ZNF428: variants seen among roughly 807,000 people sequenced by gnomAD.
ZNF428 encodes enzyme-like protein PIT13.
In ZNF428, 5 loss-of-function variants were observed where a neutral mutation model predicts 15.6. That is an observed-to-expected ratio of 0.32 (90% CI 0.17 to 0.67). The LOEUF is 0.67. ZNF428 is among the 30% of genes least tolerant of loss of function. ZNF428 has a pLI of 0.73. For missense variants in ZNF428, 237 were observed against 256.0 expected (o/e 0.93, Z 0.51); for synonymous variants, 97 against 102.2 (o/e 0.95, Z 0.31).
At chr19:43,611,612 G>A (rs1051056780) in intron 2 of ZNF428, among the ~76,000 whole-genome samples, 5 of 152,116 alleles carry the variant, frequency 3.3e-5, no homozygotes, top group Admixed American at 2.0e-4. Context: ...GAGCCACCGC[G>A]CCCAGCCTGA....
chr19:43,614,855 C>T (rs964558238), intron 1 of ZNF428, among the ~76,000 whole-genome samples: 10 of 152,208 alleles, frequency 6.6e-5, no homozygotes, highest in African/African-American at 2.2e-4. Context: ...GCCTCAACCT[C>T]GCAAAGTGCT....
chr19:43,609,360 G>GACAGAGAGAGAGAGAGAA, intron 2 of ZNF428, among the ~76,000 whole-genome samples: 1 of 123,346 alleles, frequency 8.1e-6, no homozygotes, highest in Non-Finnish European at 1.7e-5. Flanking sequence ...TGTGGCCATG[G>GACAGAGAGAGAGAGAGAA]AGAGAGAGAG....
chr19:43,612,711 G>A lies in ZNF428; in HGVS notation c.76+1518C>T, dbSNP rs759026088. The A allele has an allele frequency of 1.7e-5, 27 of 1,551,466 alleles. No individual in the cohort carries two copies. Among genetic ancestry groups the A allele is most frequent in the Admixed American group, 2.0e-5 (1 of 50,974 alleles). On this transcript the variant is annotated intron_variant, in intron 2 of 2. Coordinates refer to ENST00000300811, the MANE Select transcript of ZNF428 (RefSeq NM_182498.4). The surrounding 1 kb of genome is among the most constrained non-coding windows in gnomAD (Gnocchi z 4.2). ...AGAAATCTGAGCAAGAAGAGTTACC[G>A]CCCACCAGGAGGCTCAGGTATAGGG...
At position 43,611,853 on chromosome 19, in the gene ZNF428, G is replaced by C. The variant is rs73935013; in HGVS notation, c.76+2376C>G. On this transcript the variant is annotated intron_variant, in intron 2 of 2. Transcript: ENST00000300811. ...CAGGGCCTGGGTCTGCCCCATCTCTGTGTCCCCAGCAATGCTGGGCATGAG... is the reference window on the plus strand; with the variant it reads ...CAGGGCCTGGGTCTGCCCCATCTCTCTGTCCCCAGCAATGCTGGGCATGAG... Among the ~76,000 whole-genome samples the C allele has an allele frequency of 5.2e-3, 799 of 152,270 alleles. 6 individuals carry two copies. Among genetic ancestry groups the C allele is most frequent in the African/African-American group, 0.019 (770 of 41,560 alleles).
intron 1 of ZNF428, among the ~76,000 whole-genome samples, chr19:43,617,721 T>C (rs1973385632): frequency 6.6e-6 from 1 of 152,246 alleles, no homozygotes; most frequent in Non-Finnish European, 1.5e-5. Flanking sequence ...TGGGTTTTTG[T>C]TGCGGAGATG....
intron 2 of ZNF428, chr19:43,613,905 G>C: frequency 4.5e-6 from 7 of 1,551,538 alleles, no homozygotes; most frequent in Non-Finnish European, 6.1e-6. Context: ...GATCACAGCC[G>C]ATCTAGAAGC....
At chr19:43,609,664 C>G (rs995180340) in intron 2 of ZNF428, among the ~76,000 whole-genome samples, 6 of 151,822 alleles carry the variant, frequency 4.0e-5, no homozygotes, top group Admixed American at 3.9e-4. Flanking sequence ...ATTGCTCGAA[C>G]CCGGGAGGCG....
In ZNF428 at chr19:43,619,622, T is replaced by A. The variant is rs1488921394; in HGVS notation, c.-195A>T. 6.6e-6 allele frequency: 1 copy of A among 152,204 alleles called. No individual in the cohort carries two copies. Among genetic ancestry groups the A allele is most frequent in the East Asian group, 1.9e-4 (1 of 5,176 alleles). The allele number at this position is 152,204 out of a possible 1,614,324, so 9.4% of individuals were successfully genotyped here. A position where few individuals can be genotyped will look rare whatever the true frequency, so the allele number is the denominator to read the frequency against. ...TGCACGCCCAGCCTCTGCGCCTGCG[T>A]CGCAAGTAGGGTAGGACAGCGCGCA... On this transcript the variant is annotated 5_prime_UTR_variant, in exon 1 of 3. Coordinates refer to ENST00000300811, the MANE Select transcript of ZNF428 (RefSeq NM_182498.4).
chr19:43,607,374 CACACACACACACACACACACAA>C lies in ZNF428; in HGVS notation c.*221_*242del, dbSNP rs1184494044. 849 of 157,322 alleles carry C rather than the reference CACACACACACACACACACACAA, an allele frequency of 5.4e-3. 8 individuals carry two copies. Among genetic ancestry groups the C allele is most frequent in the African/African-American group, 0.024 (786 of 33,034 alleles). The allele number at this position is 157,322 out of a possible 1,614,324, so 9.7% of individuals were successfully genotyped here. On this transcript the variant is annotated 3_prime_UTR_variant, in exon 3 of 3. Coordinates refer to ENST00000300811, the MANE Select transcript of ZNF428 (RefSeq NM_182498.4). The surrounding 1 kb of genome is among the most constrained non-coding windows in gnomAD (Gnocchi z 5.1). ...CCCAAGAAGGAGCCCAGGGGGAATA[CACACACACACACACACACACAA>C]ACACACACACGGGCGGGAATACACA...
intron 2 of ZNF428, among the ~76,000 whole-genome samples, chr19:43,611,268 T>C (rs902383969): frequency 3.9e-5 from 6 of 151,926 alleles, no homozygotes; most frequent in Non-Finnish European, 7.4e-5. Flanking sequence ...CCCAAGACCC[T>C]GATCTCCCTC....
At chr19:43,619,394 C>A (rs1973412195) in intron 1 of ZNF428, among the ~76,000 whole-genome samples, 164 bp downstream of exon 1, 1 of 152,244 alleles carries the variant, frequency 6.6e-6, no homozygotes, top group Admixed American at 6.5e-5. Context: ...CCCAGGATGC[C>A]CCAGGGCGGC....
At chr19:43,615,801 T>A (rs1306650968) in intron 1 of ZNF428, among the ~76,000 whole-genome samples, 3 of 152,074 alleles carry the variant, frequency 2.0e-5, no homozygotes, top group African/African-American at 7.2e-5. Context: ...GATGAAGAGA[T>A]GTGTAGGGCA....
rs1007341510 is a variant in ZNF428, at chr19:43,613,680, A to G, written c.76+549T>C. The G allele has an allele frequency of 2.6e-6, 4 of 1,551,540 alleles. No individual in the cohort carries two copies. The East Asian group carries it at 9.8e-5, about 38-fold the overall frequency. ...TCTAGAAGCTCCAGCAAAGAGAGAGATCACAGACGATCTAGAAGCCCCAGC... is the reference window on the plus strand; with the variant it reads ...TCTAGAAGCTCCAGCAAAGAGAGAGGTCACAGACGATCTAGAAGCCCCAGC... On this transcript the variant is annotated intron_variant, in intron 2 of 2. Coordinates refer to ENST00000300811, the MANE Select transcript of ZNF428 (RefSeq NM_182498.4).
intron 1 of ZNF428, among the ~76,000 whole-genome samples, chr19:43,614,880 G>A (rs1217389480): frequency 2.0e-5 from 3 of 152,070 alleles, no homozygotes; most frequent in African/African-American, 7.2e-5. Context: ...TTATAGGCAT[G>A]AGCCACCGCA....
Position 43,614,373 on chromosome 19 carries a change from C to T in ZNF428, c.-69G>A. ...GCAGCGTCCCTCCCCGGCCAGCTCT[C>T]CACAGCCACACCTCCGGCCACAAGT... On this transcript the variant is annotated 5_prime_UTR_variant, in exon 2 of 3. Transcript: ENST00000300811. The T allele has an allele frequency of 6.6e-7, 1 of 1,526,500 alleles. No homozygotes were observed. Among genetic ancestry groups the T allele is most frequent in the African/African-American group, 1.4e-5 (1 of 72,266 alleles). The allele number at this position is 1,526,500 out of a possible 1,614,324, so 94.6% of individuals were successfully genotyped here. A position where few individuals can be genotyped will look rare whatever the true frequency, so the allele number is the denominator to read the frequency against.
chr19:43,607,470 T>A lies in ZNF428; in HGVS notation c.*147A>T. The A allele has an allele frequency of 9.3e-7, 1 of 1,076,446 alleles. No individual in the cohort carries two copies. The highest frequency in any genetic ancestry group is 1.6e-5 in the African/African-American group (1 of 62,652). The allele number at this position is 1,076,446 out of a possible 1,614,324, so 66.7% of individuals were successfully genotyped here. A position where few individuals can be genotyped will look rare whatever the true frequency, so the allele number is the denominator to read the frequency against. On this transcript the variant is annotated 3_prime_UTR_variant, in exon 3 of 3. Coordinates refer to ENST00000300811, the MANE Select transcript of ZNF428 (RefSeq NM_182498.4). The surrounding 1 kb of genome is among the most constrained non-coding windows in gnomAD (Gnocchi z 5.1). ...AACACACACAGATACAGATTTTGGC[T>A]TTTATTCTGGCCATCACACATCTAC...
At position 43,607,953 on chromosome 19, in the gene ZNF428, GCCACCACGGCCC is replaced by G; in HGVS notation, c.219_230del (p.Gly74_Gly77del). 1 of 1,591,566 alleles carries G rather than the reference GCCACCACGGCCC, an allele frequency of 6.3e-7. No individual in the cohort carries two copies. The highest frequency in any genetic ancestry group is 8.6e-7 in the Non-Finnish European group (1 of 1,169,284). ...CTGCACGGGGGGCCCGGCGGGATGG[GCCACCACGGCCC>G]CCGCCAAGGCGCTGCTTCACCTTGT... On this transcript the variant is annotated inframe_deletion, in exon 3 of 3. Transcript: ENST00000300811. The surrounding 1 kb of genome is among the most constrained non-coding windows in gnomAD (Gnocchi z 5.1).
chr19:43,610,012 A>G (rs1184164770), intron 2 of ZNF428, among the ~76,000 whole-genome samples: 1 of 151,968 alleles, frequency 6.6e-6, no homozygotes, highest in African/African-American at 2.4e-5. Context: ...TCCTGTCATC[A>G]CAGTGGCCAC....
At position 43,607,965 on chromosome 19, in the gene ZNF428, C is replaced by T. The variant is rs749737794; in HGVS notation, c.219G>A (p.Gly73=). Residue 73 remains glycine, a synonymous_variant, in exon 3 of 3, where the codon GGG becomes GGA. Transcript: ENST00000300811. The surrounding 1 kb of genome is among the most constrained non-coding windows in gnomAD (Gnocchi z 5.1). ...CCCGGCGGGATGGGCCACCACGGCC[C>T]CCGCCAAGGCGCTGCTTCACCTTGT... ...PGYKVKQRLG[G]GRGGPSRRAP... is the part of the protein sequence containing the mutation. 1.5e-5 allele frequency: 24 copies of T among 1,600,636 alleles called. No individual in the cohort carries two copies. Among genetic ancestry groups the T allele is most frequent in the Non-Finnish European group, 2.0e-5 (23 of 1,173,954 alleles).
Sources: gnomAD v4.1 joint callset for allele counts (sites outside exome capture counted in the v4.1 genomes callset) on GRCh38, gnomAD v4.1.1 for gene constraint, Gnocchi (gnomAD v3.1) non-coding constraint, MANE v1.5 for transcripts, NCBI Gene and HGNC (gene_info 2026-07-23, HGNC 2026-07-21) for gene names.